Variants in THSD7B observed in about 807,000 individuals in gnomAD.
THSD7B encodes thrombospondin type-1 domain-containing protein 7B.
In THSD7B, 138 loss-of-function variants were observed where a neutral mutation model predicts 213.6. The observed-to-expected ratio is 0.65, with a 90% CI of 0.56 to 0.74. The LOEUF is 0.74. Ranked by LOEUF, THSD7B falls within the 30% of genes least tolerant of loss-of-function variation. The pLI, the probability that THSD7B is intolerant of heterozygous loss-of-function variation, is 0.00. For missense variants in THSD7B, 1,931 were observed against 1,991.5 expected (o/e 0.97, Z 0.58); for synonymous variants, 742 against 687.0 (o/e 1.08, Z -1.25).
chr2:137,094,922 C>G lies in THSD7B; in HGVS notation c.1000C>G (p.Pro334Ala), dbSNP rs745397758. 6.2e-7 allele frequency: 1 copy of G among 1,613,776 alleles called. No individual in the cohort carries two copies. Among genetic ancestry groups the G allele is most frequent in the Non-Finnish European group, 8.5e-7 (1 of 1,179,826 alleles). ...ATTGACTGTTCAGTCCTGCATCATG[C>G]CCAAAGACTGTGAAACCTCCCAGTG... is the stretch of plus-strand genomic sequence containing the variant. ...FPLTVQSCIM[P>A]KDCETSQWSS... Residue 334 changes from proline to alanine, a missense_variant, in exon 4 of 28, where the codon CCC (proline) becomes GCC (alanine). By Grantham distance (27) the Pro-to-Ala change is conservative. Coordinates refer to ENST00000409968, the MANE Select transcript of THSD7B (RefSeq NM_001316349.2).
intron 1 of THSD7B, among the ~76,000 whole-genome samples, chr2:136,870,461 A>G (rs1046344368): frequency 6.6e-6 from 1 of 152,252 alleles, no homozygotes; most frequent in Non-Finnish European, 1.5e-5. Context: ...AAGTACTTAG[A>G]TAATACTAGA....
chr2:136,798,771 C>G (rs1682117203), intron 1 of THSD7B, among the ~76,000 whole-genome samples: 1 of 151,930 alleles, frequency 6.6e-6, no homozygotes, highest in East Asian at 1.9e-4. Context: ...TTAGTTAAAA[C>G]AAAAAAACCA....
rs184280542 is a variant in THSD7B at position 136,771,805 on chromosome 2, C to A, written c.-36+6118C>A. Among the ~76,000 whole-genome samples, 193 of 152,148 alleles carry A rather than the reference C, an allele frequency of 1.3e-3. 2 individuals are homozygous for A. The highest frequency in any genetic ancestry group is 4.5e-3 in the African/African-American group (186 of 41,526). On this transcript the variant is annotated intron_variant, in intron 1 of 27. Transcript: ENST00000409968. ...AGGGCACCACTCTCTACTGAGAATT[C>A]TGGAAAATGTTGAAGAGGGGAGTGT...
At chr2:137,294,798 G>A (rs1260927388) in intron 12 of THSD7B, among the ~76,000 whole-genome samples, 2 of 151,998 alleles carry the variant, frequency 1.3e-5, no homozygotes, top group Non-Finnish European at 2.9e-5. Flanking sequence ...TTCACTAGAG[G>A]TCTTGGAACG....
chr2:137,531,639 C>T (rs1205373977), intron 15 of THSD7B, among the ~76,000 whole-genome samples: 1 of 151,868 alleles, frequency 6.6e-6, no homozygotes, highest in Admixed American at 6.6e-5. Context: ...TGCAACTGAC[C>T]AGTTACACCT....
intron 2 of THSD7B, among the ~76,000 whole-genome samples, chr2:136,937,270 A>T (rs1684751659): frequency 6.6e-6 from 1 of 151,524 alleles, no homozygotes; most frequent in Admixed American, 6.6e-5. Flanking sequence ...CTGCTTGGTC[A>T]TCTCTGTGTT....
intron 3 of THSD7B, among the ~76,000 whole-genome samples, chr2:137,074,472 T>A (rs1417924640): frequency 2.0e-5 from 3 of 152,216 alleles, no homozygotes; most frequent in Non-Finnish European, 2.9e-5. Context: ...TTTGAGCCCA[T>A]GTGTGTCCCT....
chr2:137,344,446 C>T (rs1337208445), intron 12 of THSD7B, among the ~76,000 whole-genome samples: 3 of 151,710 alleles, frequency 2.0e-5, no homozygotes, highest in African/African-American at 7.3e-5. Context: ...GCCTGCATAA[C>T]ATTCATAGTA....
intron 2 of THSD7B, among the ~76,000 whole-genome samples, chr2:137,019,342 T>C (rs574720718): frequency 1.3e-5 from 2 of 152,350 alleles, no homozygotes; most frequent in South Asian, 2.1e-4. Flanking sequence ...TCAGTATTTA[T>C]GTGAATAAAT....
intron 6 of THSD7B, among the ~76,000 whole-genome samples, chr2:137,164,438 T>C (rs1425967713): frequency 6.6e-6 from 1 of 152,200 alleles, no homozygotes; most frequent in Non-Finnish European, 1.5e-5. Context: ...GGTGGGATTG[T>C]AAACTAGTTC....
intron 15 of THSD7B, among the ~76,000 whole-genome samples, chr2:137,468,222 A>T (rs3943484): frequency 6.6e-6 from 1 of 151,962 alleles, no homozygotes; most frequent in African/African-American, 2.4e-5. Context: ...ATGAAAAGAA[A>T]TCCCAGTGAA....
chr2:137,086,386 A>G (rs1687842481), intron 3 of THSD7B, among the ~76,000 whole-genome samples: 1 of 152,028 alleles, frequency 6.6e-6, no homozygotes, highest in South Asian at 2.1e-4. Flanking sequence ...TCTTGTAGCT[A>G]TAGGGGCAAA....
At chr2:137,201,575 A>G (rs1188210650) in intron 7 of THSD7B, among the ~76,000 whole-genome samples, 2 of 152,216 alleles carry the variant, frequency 1.3e-5, no homozygotes, top group Non-Finnish European at 1.5e-5. Flanking sequence ...CTCCATAAGT[A>G]TATATAATCA....
chr2:137,401,136 G>A (rs1397916133), intron 12 of THSD7B, among the ~76,000 whole-genome samples: 1 of 152,086 alleles, frequency 6.6e-6, no homozygotes, highest in Non-Finnish European at 1.5e-5. Context: ...CTGATTTAAG[G>A]ACACTATATA....
At chr2:137,251,564 G>A (rs142115248) in intron 10 of THSD7B, among the ~76,000 whole-genome samples, 92 of 152,240 alleles carry the variant, frequency 6.0e-4, no homozygotes, top group Middle Eastern at 6.8e-3. Flanking sequence ...ATAGGGTTTC[G>A]TTCTTGATAA....
chr2:137,581,084 G>A (rs1681563834), intron 17 of THSD7B, among the ~76,000 whole-genome samples: 1 of 151,990 alleles, frequency 6.6e-6, no homozygotes, highest in Non-Finnish European at 1.5e-5. Context: ...TACTCATTGT[G>A]TATTATCTTT....
intron 7 of THSD7B, among the ~76,000 whole-genome samples, chr2:137,192,504 AGAGATGG>A (rs1227208886): frequency 1.3e-5 from 2 of 152,142 alleles, no homozygotes; most frequent in African/African-American, 2.4e-5. Context: ...ACTTGAGAAG[AGAGATGG>A]GAAATTGAGG....
chr2:137,412,017 G>A (rs1686667545), intron 14 of THSD7B, 145 bp downstream of exon 14: 1 of 958,430 alleles, frequency 1.0e-6, no homozygotes, highest in Non-Finnish European at 1.5e-6. Context: ...CATAAAATAT[G>A]GACAGATGAA....
chr2:137,503,820 A>T (rs1435016257), intron 15 of THSD7B, among the ~76,000 whole-genome samples: 2 of 151,982 alleles, frequency 1.3e-5, no homozygotes, highest in East Asian at 3.9e-4. Flanking sequence ...AGGTCAAGAG[A>T]TCAAGACTAT....
Sources: allele counts gnomAD v4.1 joint callset (sites outside exome capture counted in the v4.1 genomes callset), GRCh38; gene constraint gnomAD v4.1.1; transcripts MANE v1.5; gene names NCBI Gene and HGNC (gene_info 2026-07-23, HGNC 2026-07-21).